ACSM6: variants seen among roughly 807,000 people sequenced by gnomAD.
ACSM6 encodes acyl-coenzyme A synthetase ACSM6, mitochondrial.
Under a neutral mutation model 51.1 loss-of-function variants are expected in ACSM6, and 35 were observed. That is an observed-to-expected ratio of 0.69 (90% CI 0.52 to 0.91). The LOEUF (loss-of-function observed/expected upper bound fraction) is 0.91. Among genes scored for constraint, ACSM6 ranks in the 40% least tolerant of loss-of-function variants. The probability of loss-of-function intolerance (pLI) is 0.00; values close to 1 mark genes in which losing one functional copy is unlikely to be tolerated. For missense variants in ACSM6, 509 were observed against 584.1 expected (o/e 0.87, Z 1.32); for synonymous variants, 172 against 207.3 (o/e 0.83, Z 1.46).
At chr10:95,228,726 A>G (rs1466192204) in exon 11 of ACSM6, 7 of 1,551,812 alleles carry the variant, frequency 4.5e-6, no homozygotes, top group Non-Finnish European at 5.2e-6. Flanking sequence ...GAAGACGGCT[A>G]CTTCTGGTGG....
Position 95,201,981 on chromosome 10 carries a change from C to A in ACSM6, c.193-4C>A. On this transcript the variant is annotated splice_region_variant and splice_polypyrimidine_tract_variant and intron_variant, in intron 2 of 10. Transcript: ENST00000341686. ...ATTCATATTTTAAACATCACCCTGC[C>A]TAGGACGGACTCAGAGGGCCTTACC... The A allele has an allele frequency of 6.4e-7, 1 of 1,551,218 alleles. No homozygotes were observed. Among genetic ancestry groups the A allele is most frequent in the Non-Finnish European group, 8.7e-7 (1 of 1,146,564 alleles).
intron 2 of ACSM6, among the ~76,000 whole-genome samples, chr10:95,199,079 C>A (rs549202586): frequency 6.6e-6 from 1 of 152,296 alleles, no homozygotes; most frequent in East Asian, 1.9e-4. Context: ...CTGGAGGCAT[C>A]ATGCTACCTG....
In ACSM6 at chr10:95,207,186, C is replaced by T. The variant is rs766750513; in HGVS notation, c.404-22C>T. The T allele has an allele frequency of 2.1e-5, 33 of 1,573,780 alleles. No homozygotes were observed. The East Asian group carries it at 6.5e-4, about 31-fold the overall frequency. ...TCTACTCAAAAGATAAAAATGAAGC[C>T]TTCTTTTGTGGTTTTTTTCAGGAAT... On this transcript the variant is annotated intron_variant, in intron 3 of 10. Transcript: ENST00000341686.
intron 8 of ACSM6, among the ~76,000 whole-genome samples, chr10:95,219,076 A>G (rs1305552331): frequency 6.6e-6 from 1 of 152,088 alleles, no homozygotes; most frequent in Admixed American, 6.5e-5. Context: ...TCTCCATCCC[A>G]TTACACCCAT....
chr10:95,228,526 G>C, intron 10 of ACSM6, 118 bp from the exon 11 acceptor site: 1 of 1,025,374 alleles, frequency 9.8e-7, no homozygotes, highest in Non-Finnish European at 1.3e-6. Flanking sequence ...CTGGAGAGTG[G>C]GGATCCTGAC....
intron 7 of ACSM6, 124 bp downstream of exon 7, chr10:95,213,064 C>T: frequency 1.4e-6 from 1 of 738,620 alleles, no homozygotes; most frequent in Non-Finnish European, 2.3e-6. Flanking sequence ...GTCTTGTTGC[C>T]ATTCATGACA....
chr10:95,199,909 G>A (rs2034774947), intron 2 of ACSM6, among the ~76,000 whole-genome samples: 1 of 152,228 alleles, frequency 6.6e-6, no homozygotes, highest in Non-Finnish European at 1.5e-5. Flanking sequence ...TGGTGGGACT[G>A]TAAACTAGTT....
intron 10 of ACSM6, among the ~76,000 whole-genome samples, chr10:95,227,865 T>C (rs2035055122): frequency 6.6e-6 from 1 of 152,018 alleles, no homozygotes; most frequent in African/African-American, 2.4e-5. Context: ...GTCAGGAGTT[T>C]GAGAGCAGCC....
At chr10:95,207,128 TC>T (rs1411727831) in intron 3 of ACSM6, 79 bp from the exon 4 acceptor site, 1 of 1,363,446 alleles carries the variant, frequency 7.3e-7, no homozygotes, top group East Asian at 2.5e-5. Context: ...AGAGACCTCA[TC>T]CATGCCTGCC....
chr10:95,220,457 A>G lies in ACSM6; in HGVS notation c.1200+486A>G, dbSNP rs1589497705. Among the ~76,000 whole-genome samples the G allele has an allele frequency of 2.0e-5, 3 of 152,314 alleles. No homozygotes were observed. In the East Asian group the frequency reaches 5.8e-4, roughly 29 times the overall value. On this transcript the variant is annotated intron_variant, in intron 9 of 10. Coordinates refer to ENST00000341686, the Ensembl canonical transcript of ACSM6. ...TATGGGCATAGGAAGCAATACTAAG[A>G]TGGTAGGGCAAATGCTGTGTCTAGG...
At chr10:95,220,726 GT>G (rs2034988115) in intron 9 of ACSM6, among the ~76,000 whole-genome samples, 2 of 151,802 alleles carry the variant, frequency 1.3e-5, no homozygotes, top group Non-Finnish European at 1.5e-5. Context: ...TTTGTTTTTT[GT>G]TTGCCTATCC....
intron 7 of ACSM6, 123 bp from the exon 8 acceptor site, chr10:95,214,727 CCA>C (rs2034926429): frequency 9.1e-7 from 1 of 1,099,752 alleles, no homozygotes; most frequent in African/African-American, 1.6e-5. Context: ...AGAACATCAA[CCA>C]CCACTTAATG....
chr10:95,228,760 C>A, exon 11 of ACSM6: 2 of 1,551,452 alleles, frequency 1.3e-6, no homozygotes, highest in Non-Finnish European at 1.7e-6. Flanking sequence ...ATGATGTTGC[C>A]AATGCATTGG....
rs1040823086 is a variant in ACSM6 at position 95,221,683 on chromosome 10, T to A, written c.1200+1712T>A. 2.6e-5 allele frequency among the ~76,000 whole-genome samples: 4 copies of A among 151,920 alleles called. No individual in the cohort carries two copies. The East Asian group carries it at 7.7e-4, about 29-fold the overall frequency. ...AAACATACAACCTACCAAGACTGAA[T>A]CATAAAGAATTAAAAAGTCAGAACA... On this transcript the variant is annotated intron_variant, in intron 9 of 10. Transcript: ENST00000341686.
At chr10:95,210,596 T>C (rs948396193) in intron 4 of ACSM6, 54 bp from the exon 5 acceptor site, 1 of 1,569,542 alleles carries the variant, frequency 6.4e-7, no homozygotes, top group Non-Finnish European at 8.6e-7. Flanking sequence ...GCCTAGGCAC[T>C]TAATCAGAGA....
At chr10:95,210,520 A>G in intron 4 of ACSM6, 130 bp from the exon 5 acceptor site, 3 of 1,039,788 alleles carry the variant, frequency 2.9e-6, no homozygotes, top group Non-Finnish European at 4.0e-6. Flanking sequence ...CCCTCTAACA[A>G]ATAATCCTCA....
chr10:95,198,320 T>A (rs2034756295), intron 2 of ACSM6, among the ~76,000 whole-genome samples: 2 of 151,578 alleles, frequency 1.3e-5, no homozygotes, highest in Non-Finnish European at 2.9e-5. Flanking sequence ...GTGAGCAGAG[T>A]TCTTACTTGG....
chr10:95,223,338 G>A (rs912391817), intron 9 of ACSM6, among the ~76,000 whole-genome samples: 40 of 152,008 alleles, frequency 2.6e-4, no homozygotes, highest in Non-Finnish European at 8.8e-5. Context: ...TGGGGTCATA[G>A]TATGAGCCAG....
chr10:95,214,950 A>G lies in ACSM6; in HGVS notation c.1094A>G (p.Tyr365Cys), dbSNP rs1189001188. The G allele has an allele frequency of 1.9e-6, 3 of 1,551,522 alleles. No homozygotes were observed. The African/African-American group carries it at 4.1e-5, about 21-fold the overall frequency. ...AAACGCATCACTAAGTTGGACATCT[A>G]TGAAGGCTATGGGCAGACGGAAACT... The change falls in exon 8 of 11, where the codon TAT becomes TGT. Residue 365 changes from tyrosine (Y) to cysteine (C), a missense_variant. Transcript: ENST00000341686.
Sources: gnomAD v4.1 joint callset for allele counts (sites outside exome capture counted in the v4.1 genomes callset) on GRCh38, gnomAD v4.1.1 for gene constraint, MANE v1.5 for transcripts, NCBI Gene and HGNC (gene_info 2026-07-23, HGNC 2026-07-21) for gene names.